Variants in KCNIP4 observed in about 807,000 individuals in gnomAD.
KCNIP4 encodes the protein potassium voltage-gated channel interacting protein 4.
KCNIP4 carries 12 observed loss-of-function variants against 34.0 expected under a neutral mutation model. The ratio of observed to expected loss-of-function variants is 0.35; its 90% CI spans 0.23 to 0.57. The LOEUF (loss-of-function observed/expected upper bound fraction) is 0.57, where lower values mean the gene tolerates loss of function less well. Ranked by LOEUF, KCNIP4 falls within the 20% of genes least tolerant of loss-of-function variation. KCNIP4 has a pLI of 0.83. For missense variants in KCNIP4, 238 were observed against 311.7 expected, an observed-to-expected ratio of 0.76 and a Z score of 1.78; for synonymous variants, 124 against 102.2, an observed-to-expected ratio of 1.21 and a Z score of -1.29.
chr4:20,999,504 A>G (rs1039072461), intron 1 of KCNIP4, among the ~76,000 whole-genome samples: 2 of 146,974 alleles, frequency 1.4e-5, no homozygotes, highest in Non-Finnish European at 3.0e-5. Flanking sequence ...ACAGAGGCAC[A>G]CAGCATCAAA....
chr4:21,593,597 G>A (rs1030333825), intron 1 of KCNIP4, among the ~76,000 whole-genome samples: 3 of 151,972 alleles, frequency 2.0e-5, no homozygotes, highest in Admixed American at 2.0e-4. Flanking sequence ...TGCAGATTTT[G>A]CACCAATTTC....
At chr4:21,701,862 C>A (rs974860547) in intron 1 of KCNIP4, among the ~76,000 whole-genome samples, 23 of 152,046 alleles carry the variant, frequency 1.5e-4, no homozygotes, top group African/African-American at 5.5e-4. Flanking sequence ...CGCCACCACA[C>A]CCAGATAATT....
At chr4:21,239,943 T>G (rs1759676899) in intron 1 of KCNIP4, among the ~76,000 whole-genome samples, 1 of 152,102 alleles carries the variant, frequency 6.6e-6, no homozygotes, top group African/African-American at 2.4e-5. Context: ...ATTGCAGCAC[T>G]ATTCACAATA....
chr4:21,771,662 C>T (rs1262899793), intron 1 of KCNIP4, among the ~76,000 whole-genome samples: 1 of 152,068 alleles, frequency 6.6e-6, no homozygotes, highest in East Asian at 1.9e-4. Flanking sequence ...TAGCTGTACT[C>T]CTAGGTATTT....
chr4:21,188,373 G>C (rs970462069), intron 1 of KCNIP4, among the ~76,000 whole-genome samples: 1 of 152,088 alleles, frequency 6.6e-6, no homozygotes, highest in African/African-American at 2.4e-5. Flanking sequence ...AAGGCCACAA[G>C]TCCCAAAGAA....
chr4:20,864,119 C>CATGT (rs1414506824), intron 2 of KCNIP4, among the ~76,000 whole-genome samples: 49 of 135,400 alleles, frequency 3.6e-4, no homozygotes, highest in African/African-American at 1.0e-3. Context: ...TATACATATC[C>CATGT]ATGTATACAC....
intron 1 of KCNIP4, among the ~76,000 whole-genome samples, chr4:21,658,128 G>A (rs757159250): frequency 3.9e-4 from 59 of 152,058 alleles, no homozygotes; most frequent in African/African-American, 1.3e-3. Context: ...GTGAGCCACC[G>A]CTCCCAGCCT....
chr4:21,094,109 T>G (rs925322418), intron 1 of KCNIP4, among the ~76,000 whole-genome samples: 1 of 151,982 alleles, frequency 6.6e-6, no homozygotes, highest in Non-Finnish European at 1.5e-5. Context: ...GCTTATTAAA[T>G]AATTTAATTT....
intron 1 of KCNIP4, among the ~76,000 whole-genome samples, chr4:20,969,469 AC>A (rs930857818): frequency 3.4e-4 from 52 of 152,212 alleles, no homozygotes; most frequent in Admixed American, 6.6e-4. Flanking sequence ...CACTGCAGTG[AC>A]CCAAACCCCC....
At chr4:21,075,029 A>T (rs1270485846) in intron 1 of KCNIP4, among the ~76,000 whole-genome samples, 1 of 152,134 alleles carries the variant, frequency 6.6e-6, no homozygotes, top group Admixed American at 6.6e-5. Context: ...CTGTTCTTTT[A>T]CATTTGCTGA....
intron 1 of KCNIP4, among the ~76,000 whole-genome samples, chr4:21,593,847 T>C (rs1428846269): frequency 6.6e-6 from 1 of 152,082 alleles, no homozygotes; most frequent in Non-Finnish European, 1.5e-5. Context: ...TTGAGACAAA[T>C]AGTGCAAGAA....
chr4:21,470,917 A>G (rs1467291206), intron 1 of KCNIP4, among the ~76,000 whole-genome samples: 4 of 152,196 alleles, frequency 2.6e-5, no homozygotes. Context: ...ATCAGCAGCC[A>G]GGATGGGGCA....
rs1436204867 is a variant in KCNIP4 at position 21,420,356 on chromosome 4, CT to C, written c.61+528214del. ...AGGCTGTCATCATCTTGTTTATGAA[CT>C]GCTGTAATAGCTGCCTACAGGGTTT... On this transcript the variant is annotated intron_variant, in intron 1 of 8. Coordinates refer to ENST00000382152, the MANE Select transcript of KCNIP4 (RefSeq NM_025221.6). 3.9e-5 allele frequency among the ~76,000 whole-genome samples: 6 copies of C among 152,186 alleles called. 1 individual carries two copies. The highest frequency in any genetic ancestry group is 3.3e-4 in the Admixed American group (5 of 15,274).
chr4:21,221,489 T>G (rs981953667), intron 1 of KCNIP4, among the ~76,000 whole-genome samples: 1 of 152,092 alleles, frequency 6.6e-6, no homozygotes, highest in African/African-American at 2.4e-5. Flanking sequence ...GAGGGACAAG[T>G]GCCTAGCAAA....
At chr4:21,430,010 A>G (rs1416199583) in intron 1 of KCNIP4, among the ~76,000 whole-genome samples, 2 of 152,028 alleles carry the variant, frequency 1.3e-5, no homozygotes, top group Non-Finnish European at 2.9e-5. Context: ...TTATAAAATC[A>G]TCATTTTTGA....
At chr4:21,864,406 G>A (rs1725294589) in intron 1 of KCNIP4, among the ~76,000 whole-genome samples, 2 of 152,054 alleles carry the variant, frequency 1.3e-5, no homozygotes, top group East Asian at 3.9e-4. Flanking sequence ...AGGTTTTTAG[G>A]ACCATTTCAT....
intron 3 of KCNIP4, among the ~76,000 whole-genome samples, chr4:20,784,866 G>T (rs897021374): frequency 3.3e-5 from 5 of 152,138 alleles, no homozygotes; most frequent in African/African-American, 9.7e-5. Flanking sequence ...GGGAAGAGGA[G>T]AATTAAGAGC....
At chr4:21,814,777 G>A (rs777717359) in intron 1 of KCNIP4, among the ~76,000 whole-genome samples, 2 of 152,200 alleles carry the variant, frequency 1.3e-5, no homozygotes. Flanking sequence ...TTCAGACTAA[G>A]AGGGCAGGTA....
intron 1 of KCNIP4, among the ~76,000 whole-genome samples, chr4:21,041,640 C>G (rs1250988653): frequency 6.6e-6 from 1 of 152,146 alleles, no homozygotes; most frequent in Non-Finnish European, 1.5e-5. Context: ...TAATTGCAAT[C>G]AGATAGAAAC....
Sources: gnomAD v4.1 joint callset for allele counts (sites outside exome capture counted in the v4.1 genomes callset) on GRCh38, gnomAD v4.1.1 for gene constraint, MANE v1.5 for transcripts, NCBI Gene and HGNC (gene_info 2026-07-23, HGNC 2026-07-21) for gene names.